Variants in PANK4 observed in about 807,000 individuals in gnomAD.
PANK4 encodes 4'-phosphopantetheine phosphatase.
Under a neutral mutation model 87.9 loss-of-function variants are expected in PANK4, and 40 were observed. That is an observed-to-expected ratio of 0.46 (90% CI 0.35 to 0.59). The LOEUF (loss-of-function observed/expected upper bound fraction) is 0.59, where lower values mean the gene tolerates loss of function less well. PANK4 is among the 20% of genes least tolerant of loss of function. The pLI, the probability that PANK4 is intolerant of heterozygous loss-of-function variation, is 0.00. For synonymous variants in PANK4, 524 were observed against 467.4 expected, an observed-to-expected ratio of 1.12 and a Z score of -1.56; for missense variants, 926 against 1,072.3, an observed-to-expected ratio of 0.86 and a Z score of 1.90.
chr1:2,515,603 G>T lies in PANK4; in HGVS notation c.1333C>A (p.Arg445=), dbSNP rs763780608. 1 of 1,613,200 alleles carries T rather than the reference G, an allele frequency of 6.2e-7. No homozygotes were observed. The highest frequency in any genetic ancestry group is 8.5e-7 in the Non-Finnish European group (1 of 1,179,974). Residue 445 remains arginine, a synonymous_variant, in exon 10 of 19, where the codon CGA becomes AGA. Coordinates refer to ENST00000378466, the MANE Select transcript of PANK4 (RefSeq NM_018216.4). The surrounding 1 kb of genome is among the most constrained non-coding windows in gnomAD (Gnocchi z 5.0). The part of the protein sequence containing the change: ...TVDLTDDALA[R]KYWLTCFEEA... The stretch of plus-strand genomic sequence containing the variant: ...TCAAAGCAGGTGAGCCAGTATTTTC[G>T]GGCCAGAGCGTCATCGGTGAGGTCC...
In PANK4 at chr1:2,509,028, C is replaced by T. The variant is rs866768028; in HGVS notation, c.2141G>A (p.Arg714Gln). 15 of 1,601,992 alleles carry T rather than the reference C, an allele frequency of 9.4e-6. 1 individual carries two copies. In the Middle Eastern group the frequency reaches 1.3e-3, roughly 139 times the overall value. Residue 714 changes from arginine to glutamine, a missense_variant, in exon 19 of 19, where the codon CGG becomes CAG. Coordinates refer to ENST00000378466, the MANE Select transcript of PANK4 (RefSeq NM_018216.4). This position sits in a 1 kb window ranked among gnomAD's most constrained non-coding sequence, Gnocchi z 4.9. ...GACCACCAGATCCGCGCCACGCTCC[C>T]GCACCAGTGCGGCCAGCCCCTTATC... ...RLDKGLAALV[R>Q]ERGADLVVIE...
chr1:2,521,038 G>T, intron 3 of PANK4, 63 bp downstream of exon 3: 2 of 1,539,540 alleles, frequency 1.3e-6, no homozygotes, highest in Non-Finnish European at 1.8e-6. Context: ...ACGCGGCTCT[G>T]GGACACCCAG....
At chr1:2,517,811 C>A (rs1241940981) in intron 9 of PANK4, among the ~76,000 whole-genome samples, 1 of 152,244 alleles carries the variant, frequency 6.6e-6, no homozygotes, top group South Asian at 2.1e-4. Flanking sequence ...GTGGCTCCTG[C>A]GGTTTCGGGT....
At chr1:2,521,670 G>A (rs1643876558) in intron 2 of PANK4, 48 bp downstream of exon 2, 5 of 1,423,808 alleles carry the variant, frequency 3.5e-6, no homozygotes, top group East Asian at 2.3e-5. Flanking sequence ...GGTCCAAGAC[G>A]ACAGAGAAGC....
chr1:2,521,427 G>C, intron 2 of PANK4, 112 bp from the exon 3 acceptor site: 1 of 901,442 alleles, frequency 1.1e-6, no homozygotes. Context: ...CAACCAGGCG[G>C]CGCTCTGAGG....
chr1:2,520,192 A>G lies in PANK4; in HGVS notation c.699+130T>C. 1 of 880,836 alleles carries G rather than the reference A, an allele frequency of 1.1e-6. No individual in the cohort carries two copies. The highest frequency in any genetic ancestry group is 1.5e-5 in the South Asian group (1 of 65,258). 54.6% of individuals were successfully genotyped at this position (880,836 alleles called of 1,614,324 possible). A position where few individuals can be genotyped will look rare whatever the true frequency, so the allele number is the denominator to read the frequency against. On this transcript the variant is annotated intron_variant, in intron 5 of 18. Transcript: ENST00000378466. The surrounding 1 kb of genome is among the most constrained non-coding windows in gnomAD (Gnocchi z 6.2). Reference sequence around the variant, plus strand: ...CGCAAAGAGTGAAGCCGCAGAGGCCAGAGACCCACTGACGCGAGTCAGGAG... The same window carrying G: ...CGCAAAGAGTGAAGCCGCAGAGGCCGGAGACCCACTGACGCGAGTCAGGAG...
chr1:2,524,448 T>C (rs560249844), intron 1 of PANK4, among the ~76,000 whole-genome samples: 120 of 152,286 alleles, frequency 7.9e-4, no homozygotes, highest in African/African-American at 2.4e-3. Flanking sequence ...TCAGTATCAG[T>C]CAACAGGTCC....
rs752964664 is a variant in PANK4, at chr1:2,514,469, G to T, written c.1375-3C>A. ...CTCGCCACTGCGCGCTTCACTACCT[G>T]CCAGCGACAGAAGGAGGGGGTTAGT... On this transcript the variant is annotated splice_region_variant and splice_polypyrimidine_tract_variant and intron_variant, in intron 10 of 18. Transcript: ENST00000378466. 6.2e-7 allele frequency: 1 copy of T among 1,603,846 alleles called. No individual in the cohort carries two copies. Among genetic ancestry groups the T allele is most frequent in the Non-Finnish European group, 8.5e-7 (1 of 1,175,922 alleles).
rs767468207 is a variant in PANK4, at chr1:2,508,852, C to A, written c.2317G>T (p.Glu773Ter). 6.3e-7 allele frequency: 1 copy of A among 1,582,084 alleles called. No homozygotes were observed. The highest frequency in any genetic ancestry group is 8.6e-7 in the Non-Finnish European group (1 of 1,157,630). Residue 773 changes from glutamate (E) to a stop codon, truncating the protein, a stop_gained, in exon 19 of 19, where the codon GAG becomes TAG. Coordinates refer to ENST00000378466, the MANE Select transcript of PANK4 (RefSeq NM_018216.4). LOFTEE classifies it high-confidence loss of function. This position sits in a 1 kb window ranked among gnomAD's most constrained non-coding sequence, Gnocchi z 5.1. ...SVIFKYEVPA[E>*] ...AGTCCGGCAGCTGCAGCGCCTCACT[C>A]GGCTGGGACCTCGTACTTGAAGATG...
intron 9 of PANK4, among the ~76,000 whole-genome samples, chr1:2,517,291 C>T (rs1643798258): frequency 6.6e-6 from 1 of 152,200 alleles, no homozygotes; most frequent in Non-Finnish European, 1.5e-5. Context: ...ACTGCAGGAC[C>T]CACACAAAAG....
Position 2,509,223 on chromosome 1 carries a change from C to A in PANK4, c.2109-163G>T, listed in dbSNP as rs1411901680. Among the ~76,000 whole-genome samples, 1 of 152,174 alleles carries A rather than the reference C, an allele frequency of 6.6e-6. No homozygotes were observed. Reference sequence around the variant, plus strand: ...GCCTGGTAGCTGCCTCAGCCTGGGGCTTCCTCAGAGCAGCAGCTCACACAG... The same window carrying A: ...GCCTGGTAGCTGCCTCAGCCTGGGGATTCCTCAGAGCAGCAGCTCACACAG... On this transcript the variant is annotated intron_variant, in intron 18 of 18. Transcript: ENST00000378466. This position sits in a 1 kb window ranked among gnomAD's most constrained non-coding sequence, Gnocchi z 4.9.
intron 1 of PANK4, among the ~76,000 whole-genome samples, chr1:2,524,666 T>C (rs1035000878): frequency 1.3e-5 from 2 of 152,162 alleles, no homozygotes; most frequent in Non-Finnish European, 2.9e-5. Flanking sequence ...CACTGGCCTC[T>C]CGGGGCCACA....
rs748718244 is a variant in PANK4, at chr1:2,518,206, T to C, written c.1176A>G (p.Ala392=). ...NYAGSSGLMS[A]SPELGPAQRA... The stretch of plus-strand genomic sequence containing the variant: ...GCTGCGCCGGGCCGAGCTCGGGTGA[T>C]GCACTCATCAGCCCGGAGCTGCCTG... The change falls in exon 9 of 19, where the codon GCA becomes GCG. Residue 392 remains alanine (A), a synonymous_variant. Transcript: ENST00000378466. 65 of 1,611,336 alleles carry C rather than the reference T, an allele frequency of 4.0e-5. No homozygotes were observed. The highest frequency in any genetic ancestry group is 2.5e-4 in the East Asian group (11 of 44,874).
chr1:2,521,425 C>T (rs901008475), intron 2 of PANK4, 110 bp from the exon 3 acceptor site: 22 of 938,928 alleles, frequency 2.3e-5, no homozygotes, highest in African/African-American at 4.8e-5. Context: ...TTCAACCAGG[C>T]GGCGCTCTGA....
rs34724650 is a variant in PANK4, at chr1:2,519,859, G to C, written c.795C>G (p.Leu265=). 15 of 1,572,514 alleles carry C rather than the reference G, an allele frequency of 9.5e-6. No individual in the cohort carries two copies. The highest frequency in any genetic ancestry group is 1.9e-5 in the Admixed American group (1 of 54,008). The change falls in exon 6 of 19, where the codon CTC becomes CTG. Residue 265 remains leucine (L), a synonymous_variant. Coordinates refer to ENST00000378466, the MANE Select transcript of PANK4 (RefSeq NM_018216.4). The surrounding 1 kb of genome is among the most constrained non-coding windows in gnomAD (Gnocchi z 8.3). ...RDVYGGAHQT[L]GLSGNLIASS... is the part of the protein sequence containing the mutation. ...TGGCGATGAGGTTCCCGCTCAGCCC[G>C]AGAGTCTGGTGGGCGCCGCCGTAGA...
At position 2,519,374 on chromosome 1, in the gene PANK4, G is replaced by C. The variant is rs370688840; in HGVS notation, c.854-50C>G. The C allele has an allele frequency of 3.3e-6, 4 of 1,220,262 alleles. No individual in the cohort carries two copies. Among genetic ancestry groups the C allele is most frequent in the Non-Finnish European group, 4.5e-6 (4 of 898,830 alleles). 75.6% of individuals were successfully genotyped at this position (1,220,262 alleles called of 1,614,324 possible). On this transcript the variant is annotated intron_variant, in intron 6 of 18. Transcript: ENST00000378466. This position sits in a 1 kb window ranked among gnomAD's most constrained non-coding sequence, Gnocchi z 8.3. ...TCATCTCCAAGTACAGCAAGTGCAC[G>C]ACATGAGAGCGAGCAGGAGGGGAGG...
At chr1:2,522,308 G>A (rs1237495998) in intron 1 of PANK4, among the ~76,000 whole-genome samples, 4 of 152,204 alleles carry the variant, frequency 2.6e-5, no homozygotes, top group African/African-American at 4.8e-5. Context: ...AGAGGCAAAC[G>A]GTGCCGCTGG....
rs1049411135 is a variant in PANK4, at chr1:2,520,349, C to T, written c.672G>A (p.Gly224=). The change falls in exon 5 of 19, where the codon GGG becomes GGA. Residue 224 remains glycine, a synonymous_variant. Coordinates refer to ENST00000378466, the MANE Select transcript of PANK4 (RefSeq NM_018216.4). The surrounding 1 kb of genome is among the most constrained non-coding windows in gnomAD (Gnocchi z 6.2). ...TCGTTTTGGTGAGCAGAGCGCCAAG[C>T]CCCCAGAAGGTGCCGCCTCCAATGG... The part of the protein sequence containing the change: ...GSSIGGGTFW[G]LGALLTKTKK... 4.3e-6 allele frequency: 7 copies of T among 1,612,810 alleles called. No homozygotes were observed. Among genetic ancestry groups the T allele is most frequent in the African/African-American group, 1.3e-5 (1 of 74,930 alleles).
Position 2,519,379 on chromosome 1 carries a change from G to A in PANK4, c.854-55C>T. 1 of 1,133,804 alleles carries A rather than the reference G, an allele frequency of 8.8e-7. No homozygotes were observed. The highest frequency in any genetic ancestry group is 1.2e-6 in the Non-Finnish European group (1 of 832,520). The allele number at this position is 1,133,804 out of a possible 1,614,324, so 70.2% of individuals were successfully genotyped here. On this transcript the variant is annotated intron_variant, in intron 6 of 18. Transcript: ENST00000378466. The surrounding 1 kb of genome is among the most constrained non-coding windows in gnomAD (Gnocchi z 8.3). ...TCCAAGTACAGCAAGTGCACGACAT[G>A]AGAGCGAGCAGGAGGGGAGGGGGAG... is the stretch of plus-strand genomic sequence containing the variant.
Sources: gnomAD v4.1 joint callset for allele counts (sites outside exome capture counted in the v4.1 genomes callset) on GRCh38, gnomAD v4.1.1 for gene constraint, Gnocchi (gnomAD v3.1) non-coding constraint, MANE v1.5 for transcripts, NCBI Gene and HGNC (gene_info 2026-07-23, HGNC 2026-07-21) for gene names.